Variants in CNNM2 observed in about 807,000 individuals in gnomAD.
CNNM2 encodes the protein cyclin and CBS domain divalent metal cation transport mediator 2, also known as metal transporter CNNM2.
Under a neutral mutation model 66.9 loss-of-function variants are expected in CNNM2, and 12 were observed. That is an observed-to-expected ratio of 0.18 (90% CI 0.11 to 0.29). The LOEUF (loss-of-function observed/expected upper bound fraction) is 0.29. Among genes scored for constraint, CNNM2 ranks in the 10% least tolerant of loss-of-function variants. CNNM2 has a pLI of 1.00. For synonymous variants in CNNM2, 557 were observed against 501.8 expected (o/e 1.11, Z -1.47); for missense variants, 705 against 1,167.7 (o/e 0.60, Z 5.77).
rs375278660 is a variant in CNNM2, at chr10:103,072,144, T to G, written c.2233+305T>G. Among the ~76,000 whole-genome samples, 16 of 152,240 alleles carry G rather than the reference T, an allele frequency of 1.1e-4. No individual in the cohort carries two copies. In the East Asian group the frequency reaches 2.5e-3, roughly 24 times the overall value. ...TGCCCTTGTGGCTGACCTTGAATTTTCAGGTCAGCAGTAGGGGACTGTTCT... is the reference window on the plus strand; with the variant it reads ...TGCCCTTGTGGCTGACCTTGAATTTGCAGGTCAGCAGTAGGGGACTGTTCT... On this transcript the variant is annotated intron_variant, in intron 6 of 7. Transcript: ENST00000369878.
intron 1 of CNNM2, among the ~76,000 whole-genome samples, chr10:102,925,296 CAAAAAAAA>C (rs10624810): frequency 6.8e-4 from 12 of 17,762 alleles, no homozygotes; most frequent in African/African-American, 1.3e-3. Context: ...AACTCCATCT[CAAAAAAAA>C]AAAAAAAAAA....
At chr10:102,999,076 C>CTT (rs141311858) in intron 1 of CNNM2, among the ~76,000 whole-genome samples, 14 of 138,960 alleles carry the variant, frequency 1.0e-4, no homozygotes, top group South Asian at 2.3e-4. Flanking sequence ...TTTCTTTTTT[C>CTT]TTTTTTTTTT....
At chr10:103,021,505 T>C (rs2064579019) in intron 1 of CNNM2, among the ~76,000 whole-genome samples, 2 of 152,192 alleles carry the variant, frequency 1.3e-5, no homozygotes, top group South Asian at 4.2e-4. Flanking sequence ...ATGGAGAGGC[T>C]GTGAGTATTG....
At chr10:103,009,330 T>A (rs2064291663) in intron 1 of CNNM2, among the ~76,000 whole-genome samples, 1 of 151,978 alleles carries the variant, frequency 6.6e-6, no homozygotes, top group East Asian at 1.9e-4. Flanking sequence ...TAAGAGAAAT[T>A]TCTTGTTGGT....
chr10:103,084,693 T>C lies in CNNM2; in HGVS notation c.*7513T>C, dbSNP rs1382803460. On this transcript the variant is annotated 3_prime_UTR_variant, in exon 8 of 8. Transcript: ENST00000369878. ...TCAGAGTGCGCACACATCCGCTCAT[T>C]TCTAAGCTTTATCGTGATGCACCCG... 1.3e-5 allele frequency: 2 copies of C among 152,162 alleles called. No homozygotes were observed. The highest frequency in any genetic ancestry group is 4.8e-5 in the African/African-American group (2 of 41,434). 9.4% of individuals were successfully genotyped at this position (152,162 alleles called of 1,614,324 possible). A position where few individuals can be genotyped will look rare whatever the true frequency, so the allele number is the denominator to read the frequency against.
In CNNM2 at chr10:103,083,494, G is replaced by A. The variant is rs2065775879; in HGVS notation, c.*6314G>A. 1 of 152,242 alleles carries A rather than the reference G, an allele frequency of 6.6e-6. No homozygotes were observed. Among genetic ancestry groups the A allele is most frequent in the Non-Finnish European group, 1.5e-5 (1 of 68,102 alleles). The allele number at this position is 152,242 out of a possible 1,614,324, so 9.4% of individuals were successfully genotyped here. On this transcript the variant is annotated 3_prime_UTR_variant, in exon 8 of 8. Coordinates refer to ENST00000369878, the MANE Select transcript of CNNM2 (RefSeq NM_017649.5). ...CTGCCCTACCCACTTGCCTGGCTTTGCTGGTGGGAAAGCTGGGACTGGATC... is the reference window on the plus strand; with the variant it reads ...CTGCCCTACCCACTTGCCTGGCTTTACTGGTGGGAAAGCTGGGACTGGATC...
Position 102,922,600 on chromosome 10 carries a change from T to C in CNNM2, c.1621+2499T>C, listed in dbSNP as rs10786725. 0.41 allele frequency among the ~76,000 whole-genome samples: 61,994 copies of C among 151,950 alleles called. 12,863 individuals are homozygous for C. Among genetic ancestry groups the C allele is most frequent in the East Asian group, 0.56 (2,886 of 5,170 alleles). On this transcript the variant is annotated intron_variant, in intron 1 of 7. Coordinates refer to ENST00000369878, the MANE Select transcript of CNNM2 (RefSeq NM_017649.5). ...AAACAAACAACCCCAACAATACCAA[T>C]TGTAACTCCCCAGACCAGTTAGATC...
At chr10:102,988,159 G>A (rs893621668) in intron 1 of CNNM2, among the ~76,000 whole-genome samples, 9 of 152,042 alleles carry the variant, frequency 5.9e-5, no homozygotes, top group African/African-American at 1.7e-4. Context: ...AAACTTAGCC[G>A]GGAGTGGTGG....
At chr10:102,932,688 C>A (rs1846103607) in intron 1 of CNNM2, among the ~76,000 whole-genome samples, 1 of 152,124 alleles carries the variant, frequency 6.6e-6, no homozygotes, top group African/African-American at 2.4e-5. Context: ...GAGGCTGAGG[C>A]AGGTGGATCA....
chr10:103,016,991 T>TA (rs1332463946), intron 1 of CNNM2, among the ~76,000 whole-genome samples: 8 of 151,128 alleles, frequency 5.3e-5, no homozygotes, highest in South Asian at 4.2e-4. Flanking sequence ...TTTTTTTTTT[T>TA]AACCAGGTTA....
chr10:103,073,864 G>A (rs569810767), intron 6 of CNNM2, among the ~76,000 whole-genome samples: 3 of 66,778 alleles, frequency 4.5e-5, no homozygotes, highest in South Asian at 5.7e-4. Context: ...GCGAGACTCC[G>A]TCTCAAAAAA....
At chr10:103,025,179 A>C (rs922672649) in intron 1 of CNNM2, among the ~76,000 whole-genome samples, 3 of 151,544 alleles carry the variant, frequency 2.0e-5, no homozygotes, top group Non-Finnish European at 4.4e-5. Context: ...GCAACCTCCA[A>C]CTCCCTGGTT....
intron 1 of CNNM2, chr10:102,927,482 G>A (rs1845910865): frequency 6.3e-7 from 1 of 1,586,216 alleles, no homozygotes; most frequent in Non-Finnish European, 8.6e-7. Flanking sequence ...GCAGTTGGCT[G>A]GGCGTGGTGG....
intron 1 of CNNM2, among the ~76,000 whole-genome samples, chr10:102,984,632 C>T (rs1342669073): frequency 6.6e-6 from 1 of 152,142 alleles, no homozygotes; most frequent in Non-Finnish European, 1.5e-5. Flanking sequence ...TAGATTATAA[C>T]TGAAATATAA....
intron 1 of CNNM2, among the ~76,000 whole-genome samples, chr10:103,012,639 CTTT>C (rs78646079): frequency 1.7e-5 from 2 of 118,062 alleles, no homozygotes; most frequent in Non-Finnish European, 1.7e-5. Flanking sequence ...CAGAGCAAGA[CTTT>C]TTTTTTTTTT....
At chr10:102,944,581 C>CGTGTGTGTGTGTGT (rs148795286) in intron 1 of CNNM2, among the ~76,000 whole-genome samples, 33 of 143,486 alleles carry the variant, frequency 2.3e-4, no homozygotes, top group Non-Finnish European at 3.0e-4. Flanking sequence ...TGTATCTTTT[C>CGTGTGTGTGTGTGT]GTGTGTGTGT....
chr10:103,066,484 C>G (rs772707296), intron 4 of CNNM2, among the ~76,000 whole-genome samples: 3 of 152,170 alleles, frequency 2.0e-5, no homozygotes, highest in Non-Finnish European at 2.9e-5. Flanking sequence ...GACTCTGTTC[C>G]TCCACCCAGG....
intron 1 of CNNM2, among the ~76,000 whole-genome samples, chr10:103,035,770 A>T (rs1236827718): frequency 2.0e-5 from 3 of 152,150 alleles, no homozygotes; most frequent in Non-Finnish European, 4.4e-5. Flanking sequence ...CTGGAATCCT[A>T]ACTTAGGGGA....
chr10:103,066,665 G>T (rs149878751), intron 4 of CNNM2, among the ~76,000 whole-genome samples: 7 of 152,330 alleles, frequency 4.6e-5, no homozygotes, highest in African/African-American at 1.7e-4. Context: ...TCCTGTATGC[G>T]ATTTGTCTTT....
Sources: gnomAD v4.1 joint callset for allele counts (sites outside exome capture counted in the v4.1 genomes callset) on GRCh38, gnomAD v4.1.1 for gene constraint, MANE v1.5 for transcripts, NCBI Gene and HGNC (gene_info 2026-07-23, HGNC 2026-07-21) for gene names.